The following SPATA31C1 variants were observed in gnomAD, a reference collection of about 807,000 sequenced individuals.
SPATA31C1 encodes SPATA31 subfamily C member 1, also known as spermatogenesis-associated protein 31C1.
exon 5 of SPATA31C1, chr9:87,921,165 T>A: frequency 6.2e-7 from 1 of 1,611,854 alleles, no homozygotes; most frequent in Non-Finnish European, 8.5e-7. Context: ...GGCTTTACCC[T>A]CTAGGGTCCA....
exon 5 of SPATA31C1, chr9:87,922,068 C>A (rs1222517657): frequency 1.2e-6 from 2 of 1,613,994 alleles, no homozygotes; most frequent in Non-Finnish European, 8.5e-7. Context: ...AATGGCAAGT[C>A]TGAGAAAGCA....
chr9:87,920,870 A>G (rs1457016522), exon 5 of SPATA31C1: 1 of 1,613,338 alleles, frequency 6.2e-7, no homozygotes, highest in Admixed American at 1.7e-5. Flanking sequence ...GGGACACCAC[A>G]ATGTCCCCAC....
intron 2 of SPATA31C1, 169 bp from the exon 2 acceptor site, chr9:87,919,086 C>T: frequency 8.8e-7 from 1 of 1,136,842 alleles, no homozygotes; most frequent in Non-Finnish European, 1.3e-6. Context: ...TCCTGTTTTT[C>T]TAAGAAAAGC....
exon 5 of SPATA31C1, chr9:87,921,113 C>T (rs1321634504): frequency 6.2e-7 from 1 of 1,611,720 alleles, no homozygotes. Context: ...AAACTCAGCA[C>T]CCTGAAAGGC....
At chr9:87,920,466 A>G (rs1564139341) in exon 5 of SPATA31C1, 1 of 1,613,642 alleles carries the variant, frequency 6.2e-7, no homozygotes, top group Non-Finnish European at 8.5e-7. Context: ...AGGCCCAATG[A>G]CCACCTCAGT....
At chr9:87,923,307 G>A (rs1828931653) in exon 5 of SPATA31C1, 2 of 1,603,208 alleles carry the variant, frequency 1.2e-6, no homozygotes, top group Admixed American at 3.4e-5. Context: ...TCCCAACAGA[G>A]ACAGACAAAT....
rs762871141 is a variant in SPATA31C1 at position 87,921,882 on chromosome 9, T to G, written n.2272T>G. The stretch of plus-strand genomic sequence containing the variant: ...GGTGCTGGAAGCCCATATTGTGAGG[T>G]TTTGGGCCAAACACAGGTGGGGTCT... On this transcript the variant is annotated non_coding_transcript_exon_variant, in exon 5 of 5. Transcript: ENST00000420021. The G allele has an allele frequency of 3.1e-6, 5 of 1,611,858 alleles. No individual in the cohort carries two copies. In the East Asian group the frequency reaches 6.7e-5, roughly 22 times the overall value.
rs772965704 is a variant in SPATA31C1, at chr9:87,920,773, T to A, written n.1163T>A. On this transcript the variant is annotated non_coding_transcript_exon_variant, in exon 5 of 5. Transcript: ENST00000420021. ...GGCCTTGGCGGCTCAAACAGTCAAG[T>A]TTCTGCCCTCTCCTGGTCGCAGGAG... is the stretch of plus-strand genomic sequence containing the variant. 1.2e-4 allele frequency: 199 copies of A among 1,613,978 alleles called. 1 individual carries two copies. Among genetic ancestry groups the A allele is most frequent in the Non-Finnish European group, 1.7e-4 (196 of 1,179,872 alleles).
At chr9:87,922,670 C>T (rs1339310914) in exon 5 of SPATA31C1, 1 of 1,608,190 alleles carries the variant, frequency 6.2e-7, no homozygotes, top group Non-Finnish European at 8.5e-7. Context: ...TGCAGGCTTC[C>T]CAGGAGCTAT....
chr9:87,916,364 C>T (rs1164423128), intron 1 of SPATA31C1, among the ~76,000 whole-genome samples: 1 of 147,414 alleles, frequency 6.8e-6, no homozygotes, highest in Non-Finnish European at 1.5e-5. Context: ...CAGAAAAGCA[C>T]AATCAATTCT....
chr9:87,915,425 A>G (rs653900), intron 1 of SPATA31C1, among the ~76,000 whole-genome samples: 1 of 138,666 alleles, frequency 7.2e-6, no homozygotes, highest in Admixed American at 7.1e-5. Context: ...GTCTTAGCGT[A>G]CTGAGTAGCT....
At position 87,920,843 on chromosome 9, in the gene SPATA31C1, T is replaced by A. The variant is rs1209301152; in HGVS notation, n.1233T>A. ...TCTTCAACTCGTCAGTCCAGCAAGA[T>A]CATCTTTCCCGCCAAAGGGACACCA... On this transcript the variant is annotated non_coding_transcript_exon_variant, in exon 5 of 5. Coordinates refer to ENST00000420021, the Ensembl canonical transcript of SPATA31C1. 6 of 1,613,512 alleles carry A rather than the reference T, an allele frequency of 3.7e-6. No homozygotes were observed. The African/African-American group carries it at 4.0e-5, about 11-fold the overall frequency.
At chr9:87,920,895 C>T in exon 5 of SPATA31C1, 1 of 1,613,326 alleles carries the variant, frequency 6.2e-7, no homozygotes, top group East Asian at 2.2e-5. Context: ...TTTCCAGGCC[C>T]AGCCCCTGTC....
At chr9:87,921,718 G>A (rs754988600) in exon 5 of SPATA31C1, 11 of 1,611,938 alleles carry the variant, frequency 6.8e-6, no homozygotes, top group African/African-American at 2.7e-5. Flanking sequence ...AGTGTGCGTC[G>A]ATCCTGGCTT....
At chr9:87,923,563 G>GA (rs1286835807), downstream of SPATA31C1, 2 of 1,087,544 alleles carry the variant, frequency 1.8e-6, no homozygotes, top group Non-Finnish European at 2.6e-6. Flanking sequence ...AAGTCACCAA[G>GA]AAAAAATTCA....
rs1486172744 is a variant in SPATA31C1 at position 87,921,090 on chromosome 9, C to G, written n.1480C>G. The G allele has an allele frequency of 3.7e-6, 6 of 1,611,470 alleles. No individual in the cohort carries two copies. The South Asian group carries it at 6.6e-5, about 18-fold the overall frequency. On this transcript the variant is annotated non_coding_transcript_exon_variant, in exon 5 of 5. Coordinates refer to ENST00000420021, the Ensembl canonical transcript of SPATA31C1. ...TGCGTCGCAGAATAAAGTGCAAGCT[C>G]TCTCCTTACCTGAAACTCAGCACCC...
Position 87,916,005 on chromosome 9 carries a change from G to A in SPATA31C1, n.189+1295G>A, listed in dbSNP as rs1828708003. Among the ~76,000 whole-genome samples, 3 of 142,136 alleles carry A rather than the reference G, an allele frequency of 2.1e-5. 1 individual carries two copies. 93.2% of individuals were successfully genotyped at this position (142,136 alleles called of 152,430 possible). A position where few individuals can be genotyped will look rare whatever the true frequency, so the allele number is the denominator to read the frequency against. On this transcript the variant is annotated intron_variant and non_coding_transcript_variant, in intron 1 of 4. Transcript: ENST00000420021. The stretch of plus-strand genomic sequence containing the variant: ...GAGATTACTGCAATAGGGTCTTGCA[G>A]TAATCTCCAGTTTCCATATATTCAG...
At chr9:87,923,167 A>G in exon 5 of SPATA31C1, 2 of 1,603,412 alleles carry the variant, frequency 1.2e-6, no homozygotes, top group South Asian at 1.1e-5. Flanking sequence ...GTAAATCAGC[A>G]AAGACAGCAG....
At chr9:87,915,475 C>T (rs867683667) in intron 1 of SPATA31C1, among the ~76,000 whole-genome samples, 1,482 of 144,194 alleles carry the variant, frequency 0.01, 78 homozygotes, top group South Asian at 0.024. Context: ...GGCTAATTTT[C>T]GTATTTTTAG....
Sources: gnomAD v4.1 joint callset for allele counts (sites outside exome capture counted in the v4.1 genomes callset) on GRCh38, gnomAD v4.1.1 for gene constraint, MANE v1.5 for transcripts, NCBI Gene and HGNC (gene_info 2026-07-23, HGNC 2026-07-21) for gene names.